The following SRGAP3 variants were observed in gnomAD, a reference collection of about 807,000 sequenced individuals.
SRGAP3 encodes the protein SLIT-ROBO Rho GTPase-activating protein 3.
In SRGAP3, 39 loss-of-function variants were observed where a neutral mutation model predicts 121.1. The ratio of observed to expected loss-of-function variants is 0.32; its 90% confidence interval spans 0.25 to 0.42. The LOEUF (loss-of-function observed/expected upper bound fraction) is 0.42, where lower values mean the gene tolerates loss of function less well. SRGAP3 is among the 10% of genes least tolerant of loss of function. The pLI is 1.00. For synonymous variants in SRGAP3, 601 were observed against 570.0 expected (o/e 1.05, Z -0.77); for missense variants, 1,213 against 1,470.6 (o/e 0.82, Z 2.86).
intron 1 of SRGAP3, among the ~76,000 whole-genome samples, chr3:9,344,726 T>C (rs1030764100): frequency 1.3e-5 from 2 of 152,048 alleles, no homozygotes; most frequent in Admixed American, 6.6e-5. Flanking sequence ...CTACTACCTT[T>C]CTATATTTCC....
Position 9,248,898 on chromosome 3 carries a change from T to C in SRGAP3, c.54A>G (p.Glu18=). The C allele has an allele frequency of 6.2e-7, 1 of 1,614,248 alleles. No homozygotes were observed. Among genetic ancestry groups the C allele is most frequent in the South Asian group, 1.1e-5 (1 of 91,076 alleles). The change falls in exon 1 of 22, where the codon GAA becomes GAG. Residue 18 remains glutamate (E), a synonymous_variant. Transcript: ENST00000383836. ...KKDKEIIAEY[E]AQIKEIRTQL... The stretch of plus-strand genomic sequence containing the variant: ...CCCGCATCTCACCTTTTATTTGGGC[T>C]TCATATTCAGCAATGATCTCTTTGT...
intron 21 of SRGAP3, among the ~76,000 whole-genome samples, chr3:8,987,151 G>T (rs1941760219): frequency 6.6e-6 from 1 of 152,222 alleles, no homozygotes; most frequent in Admixed American, 6.5e-5. Flanking sequence ...GATAATGGAT[G>T]TGATGAAGCT....
intron 1 of SRGAP3, among the ~76,000 whole-genome samples, chr3:9,143,425 C>A (rs1372868159): frequency 1.3e-5 from 2 of 152,214 alleles, no homozygotes; most frequent in Non-Finnish European, 2.9e-5. Flanking sequence ...CTTTGACTCT[C>A]TTATGTTCTC....
chr3:9,197,406 C>A (rs1286989802), intron 1 of SRGAP3, among the ~76,000 whole-genome samples: 2 of 152,352 alleles, frequency 1.3e-5, no homozygotes, highest in Non-Finnish European at 1.5e-5. Flanking sequence ...CTGTGGATCT[C>A]CAGCCTCCTT....
Position 9,058,389 on chromosome 3 carries a change from G to A in SRGAP3, c.885C>T (p.Arg295=), listed in dbSNP as rs1172429822. ...LSAEYNLETS[R]HEGLDVIENA... Reference sequence around the variant, plus strand: ...TCTCAATGACATCCAGCCCTTCGTGGCGAGAGGTCTCCAGGTTGTATTCAG... The same window carrying A: ...TCTCAATGACATCCAGCCCTTCGTGACGAGAGGTCTCCAGGTTGTATTCAG... The change falls in exon 7 of 22, where the codon CGC becomes CGT. Residue 295 remains arginine, a synonymous_variant. Coordinates refer to ENST00000383836, the MANE Select transcript of SRGAP3 (RefSeq NM_014850.4). 3 of 1,614,126 alleles carry A rather than the reference G, an allele frequency of 1.9e-6. No individual in the cohort carries two copies. Among genetic ancestry groups the A allele is most frequent in the East Asian group, 2.2e-5 (1 of 44,894 alleles).
intron 5 of SRGAP3, 118 bp from the exon 6 acceptor site, chr3:9,060,477 A>C (rs1021297904): frequency 1.5e-6 from 2 of 1,338,896 alleles, no homozygotes; most frequent in Non-Finnish European, 2.0e-6. Context: ...CCCAGGTGAG[A>C]GTGCAGTGGT....
intron 1 of SRGAP3, among the ~76,000 whole-genome samples, chr3:9,137,383 CT>C (rs1575129043): frequency 6.6e-6 from 1 of 152,158 alleles, no homozygotes; most frequent in Non-Finnish European, 1.5e-5. Context: ...AACACATATG[CT>C]GGGAAGGCAG....
chr3:9,252,857 G>T (rs1574943769), upstream of SRGAP3, among the ~76,000 whole-genome samples: 3 of 152,274 alleles, frequency 2.0e-5, no homozygotes, highest in Admixed American at 2.0e-4. Context: ...AAATAAATGT[G>T]GTAGGTGTGA....
intron 1 of SRGAP3, among the ~76,000 whole-genome samples, chr3:9,157,313 C>T (rs1330934582): frequency 2.0e-5 from 3 of 152,134 alleles, no homozygotes; most frequent in African/African-American, 7.2e-5. Context: ...CTCATGAGAA[C>T]TCACTATCAC....
At chr3:9,127,539 C>G (rs1949283126) in intron 1 of SRGAP3, among the ~76,000 whole-genome samples, 1 of 152,076 alleles carries the variant, frequency 6.6e-6, no homozygotes, top group African/African-American at 2.4e-5. Flanking sequence ...CCTCCGCCTC[C>G]TGGGTTCAAG....
At position 9,169,087 on chromosome 3, in the gene SRGAP3, A is replaced by G. The variant is rs558898508; in HGVS notation, c.68-44170T>C. On this transcript the variant is annotated intron_variant, in intron 1 of 21. Transcript: ENST00000383836. ...CACTGATTTCAATCCCGGCTCGTTC[A>G]GCTATTGTGTAACCCTGGGCAAGTT... Among the ~76,000 whole-genome samples, 27 of 152,250 alleles carry G rather than the reference A, an allele frequency of 1.8e-4. No individual in the cohort carries two copies. The South Asian group carries it at 5.4e-3, about 31-fold the overall frequency.
intron 1 of SRGAP3, among the ~76,000 whole-genome samples, chr3:9,245,514 C>A: frequency 6.6e-6 from 1 of 152,198 alleles, no homozygotes. Flanking sequence ...AGGCTCCACA[C>A]ACCCAGTGGG....
chr3:9,162,190 GA>G (rs1465183006), intron 1 of SRGAP3, among the ~76,000 whole-genome samples: 1 of 151,798 alleles, frequency 6.6e-6, no homozygotes, highest in Admixed American at 6.6e-5. Flanking sequence ...AGTTGCGGAA[GA>G]AAAAAAAGTT....
At chr3:9,185,681 G>C (rs554966941) in intron 1 of SRGAP3, among the ~76,000 whole-genome samples, 1 of 152,056 alleles carries the variant, frequency 6.6e-6, no homozygotes, top group South Asian at 2.1e-4. Context: ...ATAGGCGTGT[G>C]TCACTCAAGT....
rs534515541 is a variant in SRGAP3, at chr3:9,279,583, G to A, written n.442+46427C>T. 8.2e-5 allele frequency among the ~76,000 whole-genome samples: 12 copies of A among 146,578 alleles called. No homozygotes were observed. The South Asian group carries it at 1.9e-3, about 24-fold the overall frequency. ...GGCTGGAGTGCAGTGGCGCAATCTC[G>A]GCTCACAGCCACCTCAACCTCCCGG... is the stretch of plus-strand genomic sequence containing the variant. On this transcript the variant is annotated intron_variant and non_coding_transcript_variant, in intron 3 of 3. Transcript: ENST00000490889.
At chr3:9,289,410 T>C (rs1171325947) in intron 3 of SRGAP3, among the ~76,000 whole-genome samples, 1 of 152,226 alleles carries the variant, frequency 6.6e-6, no homozygotes, top group Admixed American at 6.5e-5. Flanking sequence ...TAAAACTTCA[T>C]CAAAATGAAT....
intron 4 of SRGAP3, among the ~76,000 whole-genome samples, chr3:9,079,014 G>A (rs1029980172): frequency 2.6e-5 from 4 of 152,100 alleles, no homozygotes; most frequent in African/African-American, 7.2e-5. Context: ...GGCTCTCAGT[G>A]CCTCTGAGGA....
intron 12 of SRGAP3, among the ~76,000 whole-genome samples, chr3:9,031,621 G>A (rs1944486609): frequency 6.6e-6 from 1 of 152,088 alleles, no homozygotes; most frequent in Admixed American, 6.6e-5. Context: ...CCCCTCCCCT[G>A]CCTAAGGCCA....
intron 1 of SRGAP3, among the ~76,000 whole-genome samples, chr3:9,159,347 A>G (rs574505706): frequency 6.6e-6 from 1 of 152,080 alleles, no homozygotes; most frequent in Non-Finnish European, 1.5e-5. Flanking sequence ...AATGCTTCAA[A>G]TCACTTACCT....
Sources: allele counts gnomAD v4.1 joint callset (sites outside exome capture counted in the v4.1 genomes callset), GRCh38; gene constraint gnomAD v4.1.1; transcripts MANE v1.5; gene names NCBI Gene and HGNC (gene_info 2026-07-23, HGNC 2026-07-21).